ADAMTS19: variants seen among roughly 807,000 people sequenced by gnomAD.
ADAMTS19 encodes the protein A disintegrin and metalloproteinase with thrombospondin motifs 19.
In ADAMTS19, 93 loss-of-function variants were observed where a neutral mutation model predicts 153.3. The observed-to-expected ratio is 0.61, with a 90% CI of 0.51 to 0.72. The LOEUF (loss-of-function observed/expected upper bound fraction) is 0.72. Among genes scored for constraint, ADAMTS19 ranks in the 30% least tolerant of loss-of-function variants. The pLI is 0.00. For synonymous variants in ADAMTS19, 600 were observed against 556.6 expected, an observed-to-expected ratio of 1.08 and a Z score of -1.10; for missense variants, 1,482 against 1,552.1, an observed-to-expected ratio of 0.95 and a Z score of 0.76.
At chr5:129,571,694 A>G (rs1164316665) in intron 7 of ADAMTS19, among the ~76,000 whole-genome samples, 1 of 151,770 alleles carries the variant, frequency 6.6e-6, no homozygotes, top group African/African-American at 2.4e-5. Flanking sequence ...ATGCAACTGA[A>G]TGATCAACAC....
chr5:129,547,384 C>T (rs1012519619), intron 6 of ADAMTS19, among the ~76,000 whole-genome samples: 3 of 150,718 alleles, frequency 2.0e-5, no homozygotes, highest in Non-Finnish European at 4.4e-5. Flanking sequence ...AAATTCGGGC[C>T]TTCAGACTGT....
intron 2 of ADAMTS19, among the ~76,000 whole-genome samples, chr5:129,507,706 G>C (rs1038076418): frequency 2.7e-5 from 4 of 150,048 alleles, no homozygotes; most frequent in Non-Finnish European, 5.9e-5. Flanking sequence ...GTGAGATCTA[G>C]AGCGAGAGAG....
intron 7 of ADAMTS19, among the ~76,000 whole-genome samples, chr5:129,554,325 C>T (rs1440412697): frequency 6.6e-6 from 1 of 152,040 alleles, no homozygotes; most frequent in Non-Finnish European, 1.5e-5. Context: ...AAAGGGTAAC[C>T]CTATGGGGTT....
At chr5:129,548,942 C>T (rs1752964487) in intron 6 of ADAMTS19, among the ~76,000 whole-genome samples, 1 of 144,946 alleles carries the variant, frequency 6.9e-6, no homozygotes, top group African/African-American at 2.6e-5. Flanking sequence ...AACCAAACAG[C>T]ACATGTTCTC....
intron 10 of ADAMTS19, among the ~76,000 whole-genome samples, chr5:129,624,181 G>T (rs1294182589): frequency 6.8e-6 from 1 of 147,588 alleles, no homozygotes; most frequent in East Asian, 2.0e-4. Context: ...AGCTTGAAAG[G>T]AAATGGTGTT....
intron 2 of ADAMTS19, among the ~76,000 whole-genome samples, chr5:129,470,707 A>G (rs190060340): frequency 1.5e-3 from 232 of 152,332 alleles, no homozygotes; most frequent in Non-Finnish European, 2.1e-3. Context: ...ACTTGACTTC[A>G]TCTCATAATT....
chr5:129,570,853 G>A (rs929199572), intron 7 of ADAMTS19, among the ~76,000 whole-genome samples: 10 of 151,984 alleles, frequency 6.6e-5, no homozygotes, highest in Non-Finnish European at 1.3e-4. Context: ...AAAAGCTTAT[G>A]ACAAAATTCA....
intron 18 of ADAMTS19, 147 bp downstream of exon 18, chr5:129,684,420 G>A: frequency 9.9e-7 from 1 of 1,013,492 alleles, no homozygotes; most frequent in African/African-American, 1.6e-5. Context: ...GATATGTTTA[G>A]TGGCTAAACA....
intron 6 of ADAMTS19, among the ~76,000 whole-genome samples, chr5:129,550,962 G>T (rs1448803012): frequency 6.6e-6 from 1 of 151,554 alleles, no homozygotes; most frequent in Non-Finnish European, 1.5e-5. Context: ...AGCTTACTTT[G>T]TGTGTGGCGC....
chr5:129,500,552 G>A (rs1022425280), intron 2 of ADAMTS19: 1 of 151,944 alleles, frequency 6.6e-6, no homozygotes, highest in African/African-American at 2.4e-5. Context: ...TTAGTCTTTG[G>A]GTATCTGTTG....
At chr5:129,477,061 G>A (rs1750250975) in intron 2 of ADAMTS19, among the ~76,000 whole-genome samples, 1 of 152,020 alleles carries the variant, frequency 6.6e-6, no homozygotes. Flanking sequence ...GATATACACA[G>A]GAAATCTTTA....
chr5:129,579,843 C>A (rs371674115), intron 7 of ADAMTS19, among the ~76,000 whole-genome samples: 87 of 151,902 alleles, frequency 5.7e-4, no homozygotes, highest in Admixed American at 1.9e-3. Flanking sequence ...CTATAGCCTT[C>A]TAGTATAGTT....
chr5:129,582,271 G>C (rs1402172991), intron 7 of ADAMTS19, among the ~76,000 whole-genome samples: 4 of 150,852 alleles, frequency 2.7e-5, no homozygotes, highest in Admixed American at 1.3e-4. Flanking sequence ...TTATGAATCT[G>C]GGTGCTCCTG....
chr5:129,673,555 T>G (rs933385404), intron 16 of ADAMTS19, among the ~76,000 whole-genome samples: 4 of 152,172 alleles, frequency 2.6e-5, no homozygotes, highest in African/African-American at 9.6e-5. Context: ...TTATAACTTA[T>G]GGCATCTATT....
chr5:129,621,221 G>T lies in ADAMTS19; in HGVS notation c.1619+463G>T, dbSNP rs530691588. ...ATTATCATAGCCCTTTCCATGTTCA[G>T]TGGCAGTAACACTTAGCTTCTGTCT... On this transcript the variant is annotated intron_variant, in intron 9 of 22. Coordinates refer to ENST00000274487, the MANE Select transcript of ADAMTS19 (RefSeq NM_133638.6). 2.6e-5 allele frequency among the ~76,000 whole-genome samples: 4 copies of T among 152,204 alleles called. No individual in the cohort carries two copies. The South Asian group carries it at 8.3e-4, about 32-fold the overall frequency.
chr5:129,595,513 C>T (rs1750331242), intron 7 of ADAMTS19, among the ~76,000 whole-genome samples: 1 of 152,032 alleles, frequency 6.6e-6, no homozygotes, highest in Non-Finnish European at 1.5e-5. Flanking sequence ...AAGTCACAAG[C>T]AGTCAGTTGA....
At chr5:129,712,217 T>C (rs2127182376) in intron 21 of ADAMTS19, among the ~76,000 whole-genome samples, 1 of 152,286 alleles carries the variant, frequency 6.6e-6, no homozygotes, top group African/African-American at 2.4e-5. Context: ...AGCTATCCCC[T>C]AAAATAGAAA....
At chr5:129,707,591 G>A (rs1328761873) in intron 21 of ADAMTS19, among the ~76,000 whole-genome samples, 1 of 152,126 alleles carries the variant, frequency 6.6e-6, no homozygotes, top group East Asian at 1.9e-4. Flanking sequence ...AAGGAATAAT[G>A]AATGCCATGA....
At chr5:129,697,243 G>A (rs946438625) in intron 19 of ADAMTS19, among the ~76,000 whole-genome samples, 6 of 152,136 alleles carry the variant, frequency 3.9e-5, no homozygotes, top group African/African-American at 1.4e-4. Context: ...AAAGGAAGGA[G>A]AGTAATAATG....
Sources: gnomAD v4.1 joint callset for allele counts (sites outside exome capture counted in the v4.1 genomes callset) on GRCh38, gnomAD v4.1.1 for gene constraint, MANE v1.5 for transcripts, NCBI Gene and HGNC (gene_info 2026-07-23, HGNC 2026-07-21) for gene names.